AGAP1: variants seen among roughly 807,000 people sequenced by gnomAD.
AGAP1 encodes arf-GAP with GTPase, ANK repeat and PH domain-containing protein 1.
In AGAP1, 29 loss-of-function variants were observed where a neutral mutation model predicts 105.3. The observed-to-expected ratio is 0.28, with a 90% CI of 0.21 to 0.38. The LOEUF (loss-of-function observed/expected upper bound fraction) is 0.38. AGAP1 is among the 10% of genes least tolerant of loss of function. The pLI is 1.00. For missense variants in AGAP1, 998 were observed against 1,165.1 expected, an observed-to-expected ratio of 0.86 and a Z score of 2.09; for synonymous variants, 509 against 485.9, an observed-to-expected ratio of 1.05 and a Z score of -0.63.
intron 8 of AGAP1, among the ~76,000 whole-genome samples, chr2:235,802,828 GTGA>G (rs1246163190): frequency 3.7e-5 from 5 of 135,894 alleles, no homozygotes; most frequent in Non-Finnish European, 5.0e-5. Context: ...TGTTGTGGTT[GTGA>G]TGATGGTTAT....
intron 1 of AGAP1, among the ~76,000 whole-genome samples, chr2:235,707,378 C>T (rs1223625342): frequency 6.6e-6 from 1 of 151,282 alleles, no homozygotes; most frequent in Admixed American, 6.7e-5. Flanking sequence ...GAGTGTTCCT[C>T]TGACGGGATG....
intron 11 of AGAP1, among the ~76,000 whole-genome samples, chr2:235,914,634 G>C (rs1438460598): frequency 6.6e-6 from 1 of 152,206 alleles, no homozygotes; most frequent in Non-Finnish European, 1.5e-5. Context: ...GCTTGGGAGA[G>C]AGGAAGAAAC....
chr2:235,652,275 G>A (rs1947620641), intron 1 of AGAP1, among the ~76,000 whole-genome samples: 1 of 152,112 alleles, frequency 6.6e-6, no homozygotes, highest in Non-Finnish European at 1.5e-5. Context: ...TGCTTGTCAG[G>A]AGATGGCCAT....
At position 236,044,003 on chromosome 2, in the gene AGAP1, C is replaced by T. The variant is rs373727719; in HGVS notation, c.1891+3162C>T. ...AGTTCTTGCAGAGAATGCTCTAGAC[C>T]GCCAGGAGCCCCCTCTGTCTGCTCA... On this transcript the variant is annotated intron_variant, in intron 15 of 17. Transcript: ENST00000304032. This position sits in a 1 kb window ranked among gnomAD's most constrained non-coding sequence, Gnocchi z 5.7. Among the ~76,000 whole-genome samples, 25 of 152,194 alleles carry T rather than the reference C, an allele frequency of 1.6e-4. No individual in the cohort carries two copies. The highest frequency in any genetic ancestry group is 4.8e-4 in the African/African-American group (20 of 41,516).
intron 1 of AGAP1, among the ~76,000 whole-genome samples, chr2:235,591,401 C>A (rs2149213168): frequency 6.6e-6 from 1 of 152,260 alleles, no homozygotes; most frequent in Non-Finnish European, 1.5e-5. Context: ...CTGCCCGGGT[C>A]TTGGTGTGAA....
At position 235,888,251 on chromosome 2, in the gene AGAP1, G is replaced by A. The variant is rs2050363118; in HGVS notation, c.1155+4802G>A. Among the ~76,000 whole-genome samples the A allele has an allele frequency of 6.6e-6, 1 of 152,056 alleles. No homozygotes were observed. The highest frequency in any genetic ancestry group is 1.5e-5 in the Non-Finnish European group (1 of 68,012). ...GGATCTCAGGATTATTTGTTCTTTAGGATCAAACCGAGAAGGTGGAATCGA... is the reference window on the plus strand; with the variant it reads ...GGATCTCAGGATTATTTGTTCTTTAAGATCAAACCGAGAAGGTGGAATCGA... On this transcript the variant is annotated intron_variant, in intron 10 of 17. Coordinates refer to ENST00000304032, the MANE Select transcript of AGAP1 (RefSeq NM_001037131.3). This position sits in a 1 kb window ranked among gnomAD's most constrained non-coding sequence, Gnocchi z 4.8.
chr2:236,112,892 G>T (rs550673670), intron 16 of AGAP1, among the ~76,000 whole-genome samples: 20 of 151,046 alleles, frequency 1.3e-4, no homozygotes, highest in African/African-American at 4.3e-4. Context: ...CCCTGCTTCC[G>T]CTCTGCAGCC....
chr2:235,601,727 C>T lies in AGAP1; in HGVS notation c.163+106878C>T, dbSNP rs1246335066. Reference sequence around the variant, plus strand: ...GTCCGTGGAGCCAGGTGTGGTGGCTCACACTTGTAATCTCAGTGCTGAGGC... The same window carrying T: ...GTCCGTGGAGCCAGGTGTGGTGGCTTACACTTGTAATCTCAGTGCTGAGGC... On this transcript the variant is annotated intron_variant, in intron 1 of 17. Coordinates refer to ENST00000304032, the MANE Select transcript of AGAP1 (RefSeq NM_001037131.3). The surrounding 1 kb of genome is among the most constrained non-coding windows in gnomAD (Gnocchi z 4.4). 6.6e-6 allele frequency among the ~76,000 whole-genome samples: 1 copy of T among 152,132 alleles called. No homozygotes were observed.
At chr2:235,594,285 T>TG (rs201260701) in intron 1 of AGAP1, among the ~76,000 whole-genome samples, 102 of 133,478 alleles carry the variant, frequency 7.6e-4, no homozygotes, top group African/African-American at 2.3e-3. Flanking sequence ...ATAGGCATTC[T>TG]GGGGTTTTTT....
At position 235,960,644 on chromosome 2, in the gene AGAP1, T is replaced by C. The variant is rs1402936832; in HGVS notation, c.1484-7818T>C. ...AGGTAGCAGGGCCCAAGAAAAATCG[T>C]CTTTTATGGAAGGCATCAAGCAAGA... On this transcript the variant is annotated intron_variant, in intron 12 of 17. Coordinates refer to ENST00000304032, the MANE Select transcript of AGAP1 (RefSeq NM_001037131.3). The surrounding 1 kb of genome is among the most constrained non-coding windows in gnomAD (Gnocchi z 4.9). 6.6e-6 allele frequency among the ~76,000 whole-genome samples: 1 copy of C among 152,178 alleles called. No homozygotes were observed. Among genetic ancestry groups the C allele is most frequent in the Non-Finnish European group, 1.5e-5 (1 of 68,032 alleles).
intron 3 of AGAP1, among the ~76,000 whole-genome samples, chr2:235,717,976 G>T (rs1169798960): frequency 6.6e-6 from 1 of 152,106 alleles, no homozygotes; most frequent in Admixed American, 6.5e-5. Flanking sequence ...ACATTCCTGT[G>T]ATCTGGATAT....
rs145289999 is a variant in AGAP1 at position 235,794,719 on chromosome 2, G to A, written c.674-3040G>A. On this transcript the variant is annotated intron_variant, in intron 6 of 17. Coordinates refer to ENST00000304032, the MANE Select transcript of AGAP1 (RefSeq NM_001037131.3). ...ACTCCTGACCTCAGGTGATCTGCCC[G>A]CCTCGGCCTCCCAGAGTGCTGGGAT... is the stretch of plus-strand genomic sequence containing the variant. Among the ~76,000 whole-genome samples the A allele has an allele frequency of 3.8e-3, 580 of 152,176 alleles. 4 individuals carry two copies. The highest frequency in any genetic ancestry group is 0.013 in the African/African-American group (547 of 41,516).
chr2:235,595,415 A>G (rs968513948), intron 1 of AGAP1, among the ~76,000 whole-genome samples: 1 of 152,166 alleles, frequency 6.6e-6, no homozygotes, highest in Non-Finnish European at 1.5e-5. Flanking sequence ...TGAAGTCCAG[A>G]ACTCAGCTTA....
At position 235,732,299 on chromosome 2, in the gene AGAP1, T is replaced by C. The variant is rs2149614555; in HGVS notation, c.311-8664T>C. Among the ~76,000 whole-genome samples, 1 of 152,348 alleles carries C rather than the reference T, an allele frequency of 6.6e-6. No individual in the cohort carries two copies. Among genetic ancestry groups the C allele is most frequent in the Non-Finnish European group, 1.5e-5 (1 of 68,030 alleles). On this transcript the variant is annotated intron_variant, in intron 3 of 17. Coordinates refer to ENST00000304032, the MANE Select transcript of AGAP1 (RefSeq NM_001037131.3). This position sits in a 1 kb window ranked among gnomAD's most constrained non-coding sequence, Gnocchi z 4.8. ...CATTGACTGTGTCTGTTTCAAGCCA[T>C]TCCTCTGTGTCAGAAACTCAGCTTT... is the stretch of plus-strand genomic sequence containing the variant.
At chr2:235,532,632 A>G (rs567805804) in intron 1 of AGAP1, among the ~76,000 whole-genome samples, 1 of 152,340 alleles carries the variant, frequency 6.6e-6, no homozygotes, top group African/African-American at 2.4e-5. Context: ...TGTTTGCTTG[A>G]TATTTAATCA....
chr2:235,498,820 T>C (rs540113904), intron 1 of AGAP1, among the ~76,000 whole-genome samples: 27 of 152,268 alleles, frequency 1.8e-4, no homozygotes, highest in Admixed American at 7.2e-4. Flanking sequence ...AGGTGGCCGA[T>C]GAGAGGAAAC....
chr2:235,948,388 G>A (rs958132963), intron 12 of AGAP1, among the ~76,000 whole-genome samples: 2 of 152,066 alleles, frequency 1.3e-5, no homozygotes, highest in Non-Finnish European at 2.9e-5. Flanking sequence ...TTTCACCATC[G>A]TGCCCTGGCT....
chr2:235,759,684 C>T (rs552860333), intron 6 of AGAP1, among the ~76,000 whole-genome samples: 1 of 152,202 alleles, frequency 6.6e-6, no homozygotes, highest in Admixed American at 6.5e-5. Context: ...TTCTCTTATG[C>T]CATATCCCTG....
At chr2:236,110,523 A>T (rs1036369612) in intron 16 of AGAP1, among the ~76,000 whole-genome samples, 9 of 152,152 alleles carry the variant, frequency 5.9e-5, no homozygotes, top group African/African-American at 2.2e-4. Flanking sequence ...TGATTGCGCC[A>T]CTGCACTCTA....
Sources: gnomAD v4.1 joint callset for allele counts (sites outside exome capture counted in the v4.1 genomes callset) on GRCh38, gnomAD v4.1.1 for gene constraint, Gnocchi (gnomAD v3.1) non-coding constraint, MANE v1.5 for transcripts, NCBI Gene and HGNC (gene_info 2026-07-23, HGNC 2026-07-21) for gene names.